Variants in LRRC4C observed in about 807,000 individuals in gnomAD.
LRRC4C encodes leucine rich repeat containing 4C.
In LRRC4C, 5 loss-of-function variants were observed where a neutral mutation model predicts 33.6. The ratio of observed to expected loss-of-function variants is 0.15; its 90% CI spans 0.08 to 0.31. The LOEUF is 0.31. LRRC4C is among the 10% of genes least tolerant of loss of function. The pLI is 1.00. For missense variants in LRRC4C, 560 were observed against 796.7 expected, an observed-to-expected ratio of 0.70 and a Z score of 3.58; for synonymous variants, 329 against 302.0, an observed-to-expected ratio of 1.09 and a Z score of -0.93.
At chr11:40,336,773 G>A (rs1325240055) in intron 3 of LRRC4C, among the ~76,000 whole-genome samples, 24 of 152,038 alleles carry the variant, frequency 1.6e-4, no homozygotes, top group Non-Finnish European at 1.2e-4. Context: ...TCAGGAGATC[G>A]AGACCATCCT....
chr11:40,135,435 G>A (rs913952459), intron 6 of LRRC4C, among the ~76,000 whole-genome samples: 5 of 152,222 alleles, frequency 3.3e-5, no homozygotes, highest in African/African-American at 1.2e-4. Flanking sequence ...CAGTCCCATG[G>A]AAAGTAAAAA....
At chr11:41,226,518 C>A (rs889162773) in intron 1 of LRRC4C, among the ~76,000 whole-genome samples, 11 of 152,128 alleles carry the variant, frequency 7.2e-5, no homozygotes, top group Admixed American at 2.6e-4. Context: ...CACACATAGA[C>A]ACTTATCACT....
chr11:41,082,336 T>C (rs1381707141), intron 1 of LRRC4C, among the ~76,000 whole-genome samples: 1 of 152,012 alleles, frequency 6.6e-6, no homozygotes, highest in East Asian at 1.9e-4. Context: ...TAGAGACTAG[T>C]TCAGAGGTTA....
intron 2 of LRRC4C, among the ~76,000 whole-genome samples, chr11:40,726,164 CAA>C (rs372703808): frequency 3.1e-4 from 42 of 136,296 alleles, no homozygotes; most frequent in Non-Finnish European, 3.2e-4. Context: ...ACCTATCAAC[CAA>C]AAAAAAAAAA....
chr11:40,756,559 G>A (rs557560464), intron 2 of LRRC4C, among the ~76,000 whole-genome samples: 8 of 152,092 alleles, frequency 5.3e-5, no homozygotes, highest in Admixed American at 5.3e-4. Context: ...GGTGGAGTTG[G>A]GGCTGGGTAT....
chr11:40,445,134 C>A (rs1951572256), intron 3 of LRRC4C, among the ~76,000 whole-genome samples: 1 of 152,104 alleles, frequency 6.6e-6, no homozygotes, highest in Non-Finnish European at 1.5e-5. Context: ...ACCATATTCC[C>A]TATAAAAATC....
chr11:40,925,977 T>C (rs1005004467), intron 2 of LRRC4C, among the ~76,000 whole-genome samples: 1 of 152,142 alleles, frequency 6.6e-6, no homozygotes, highest in Non-Finnish European at 1.5e-5. Flanking sequence ...AGTGCTTATT[T>C]AAATGTAGAA....
chr11:41,308,221 A>T (rs1950554439), intron 1 of LRRC4C, among the ~76,000 whole-genome samples: 1 of 152,220 alleles, frequency 6.6e-6, no homozygotes, highest in African/African-American at 2.4e-5. Context: ...TTACTTCCAA[A>T]GGTTAAAACT....
At chr11:40,547,245 G>C (rs1340429375) in intron 3 of LRRC4C, among the ~76,000 whole-genome samples, 1 of 152,070 alleles carries the variant, frequency 6.6e-6, no homozygotes, top group African/African-American at 2.4e-5. Context: ...AGCTTCATTT[G>C]CTGGGGAAGA....
chr11:40,680,972 C>T (rs1441371077), intron 2 of LRRC4C, among the ~76,000 whole-genome samples: 3 of 152,130 alleles, frequency 2.0e-5, no homozygotes, highest in Admixed American at 6.5e-5. Context: ...TGATCAATAG[C>T]TACATGAAGC....
chr11:40,746,474 C>A lies in LRRC4C; in HGVS notation c.-406-98196G>T, dbSNP rs144936832. Among the ~76,000 whole-genome samples, 45 of 152,266 alleles carry A rather than the reference C, an allele frequency of 3.0e-4. No individual in the cohort carries two copies. In the East Asian group the frequency reaches 5.8e-3, roughly 20 times the overall value. On this transcript the variant is annotated intron_variant, in intron 2 of 6. Coordinates refer to ENST00000528697, the MANE Select transcript of LRRC4C (RefSeq NM_001258419.2). ...CTCTAGTGCCACTAGGGCAGAGGTG[C>A]GTGTAGAGTACACAGTTTCAATTTA... is the stretch of plus-strand genomic sequence containing the variant.
At chr11:40,441,510 C>T (rs1951394686) in intron 3 of LRRC4C, among the ~76,000 whole-genome samples, 1 of 152,146 alleles carries the variant, frequency 6.6e-6, no homozygotes, top group Non-Finnish European at 1.5e-5. Context: ...ACAGGTTGAT[C>T]TGGGTCTACC....
At chr11:41,359,380 A>G (rs1438994907) in intron 1 of LRRC4C, among the ~76,000 whole-genome samples, 1 of 152,176 alleles carries the variant, frequency 6.6e-6, no homozygotes, top group Non-Finnish European at 1.5e-5. Context: ...AGGATAATCA[A>G]CTGTAACAAA....
chr11:40,643,239 G>A (rs1463119258), intron 3 of LRRC4C, among the ~76,000 whole-genome samples: 3 of 152,222 alleles, frequency 2.0e-5, no homozygotes, highest in African/African-American at 4.8e-5. Context: ...CAAGGATAGA[G>A]CAATTTAATA....
intron 2 of LRRC4C, among the ~76,000 whole-genome samples, chr11:40,662,552 T>G (rs1301278540): frequency 6.6e-6 from 1 of 152,188 alleles, no homozygotes; most frequent in Non-Finnish European, 1.5e-5. Flanking sequence ...AACATAGCTT[T>G]AGCTCCATGA....
At chr11:41,284,065 C>G (rs1440629015) in intron 1 of LRRC4C, among the ~76,000 whole-genome samples, 1 of 152,096 alleles carries the variant, frequency 6.6e-6, no homozygotes, top group Admixed American at 6.5e-5. Flanking sequence ...TAAAATTGTA[C>G]CTATACTATG....
At chr11:41,108,693 G>T (rs1337604787) in intron 1 of LRRC4C, among the ~76,000 whole-genome samples, 1 of 152,058 alleles carries the variant, frequency 6.6e-6, no homozygotes, top group East Asian at 1.9e-4. Context: ...TTCACATTTT[G>T]TTTAAATTAT....
At chr11:41,195,548 T>C (rs947265470) in intron 1 of LRRC4C, among the ~76,000 whole-genome samples, 15 of 151,206 alleles carry the variant, frequency 9.9e-5, no homozygotes, top group African/African-American at 3.6e-4. Context: ...TGGAGATATT[T>C]CCCCCCCCAA....
chr11:40,613,378 A>T (rs1199884545), intron 3 of LRRC4C, among the ~76,000 whole-genome samples: 1 of 151,838 alleles, frequency 6.6e-6, no homozygotes, highest in Non-Finnish European at 1.5e-5. Flanking sequence ...ATCTCAAGAA[A>T]CCACTTTCTT....
Sources: gnomAD v4.1 joint callset for allele counts (sites outside exome capture counted in the v4.1 genomes callset) on GRCh38, gnomAD v4.1.1 for gene constraint, MANE v1.5 for transcripts, NCBI Gene and HGNC (gene_info 2026-07-23, HGNC 2026-07-21) for gene names.